Variants in CDNF observed in about 807,000 individuals in gnomAD.
The protein encoded by CDNF is ARMET-like protein 1.
Under a neutral mutation model 14.8 loss-of-function variants are expected in CDNF, and 9 were observed. That is an observed-to-expected ratio of 0.61 (90% confidence interval 0.37 to 1.06). CDNF has a LOEUF of 1.06. CDNF is among the 50% of genes least tolerant of loss of function. The pLI is 0.01. For synonymous variants in CDNF, 86 were observed against 87.2 expected, an observed-to-expected ratio of 0.99 and a Z score of 0.07; for missense variants, 228 against 228.4, an observed-to-expected ratio of 1.00 and a Z score of 0.01.
chr10:14,835,172 G>C (rs536656286), intron 1 of CDNF, among the ~76,000 whole-genome samples: 2 of 152,198 alleles, frequency 1.3e-5, no homozygotes, highest in Non-Finnish European at 2.9e-5. Context: ...ATGTTCACTA[G>C]TCAATTGGAT....
chr10:14,837,749 C>T (rs1415325690), intron 1 of CDNF, 83 bp downstream of exon 1: 3 of 745,092 alleles, frequency 4.0e-6, no homozygotes, highest in Non-Finnish European at 6.5e-6. Flanking sequence ...TATTTATAGC[C>T]AGGGCCAGGA....
chr10:14,827,881 G>T (rs1051993455), intron 2 of CDNF, among the ~76,000 whole-genome samples: 2 of 151,954 alleles, frequency 1.3e-5, no homozygotes, highest in African/African-American at 4.8e-5. Flanking sequence ...AACAGAGCAA[G>T]ACTCTGTCTC....
At chr10:14,836,201 A>C (rs1015224032) in intron 1 of CDNF, 5 of 152,220 alleles carry the variant, frequency 3.3e-5, no homozygotes, top group Non-Finnish European at 7.3e-5. Context: ...AGGGAGGATC[A>C]CTCATAAGCA....
chr10:14,835,977 A>C (rs1429691805), intron 1 of CDNF, among the ~76,000 whole-genome samples: 3 of 152,252 alleles, frequency 2.0e-5, no homozygotes, highest in Non-Finnish European at 4.4e-5. Context: ...CAGAAATATG[A>C]ATTTTTACAT....
chr10:14,836,594 AG>A (rs1564316646), intron 1 of CDNF, among the ~76,000 whole-genome samples: 1 of 152,258 alleles, frequency 6.6e-6, no homozygotes, highest in Non-Finnish European at 1.5e-5. Flanking sequence ...TCTGGAGAAA[AG>A]TTTAATTATT....
At chr10:14,829,629 T>C (rs1588797273) in intron 1 of CDNF, among the ~76,000 whole-genome samples, 1 of 151,436 alleles carries the variant, frequency 6.6e-6, no homozygotes, top group Non-Finnish European at 1.5e-5. Context: ...GTTTTTTTTG[T>C]TTGTTTGTTT....
chr10:14,828,313 C>T (rs1384929775), intron 1 of CDNF, 41 bp from the exon 2 acceptor site: 1 of 1,603,656 alleles, frequency 6.2e-7, no homozygotes, highest in Non-Finnish European at 8.5e-7. Flanking sequence ...CACAACTTAA[C>T]CACTACCACA....
rs191007702 is a variant in CDNF at position 14,823,690 on chromosome 10, G to A, written c.385+1789C>T. On this transcript the variant is annotated intron_variant, in intron 3 of 3. Coordinates refer to ENST00000465530, the MANE Select transcript of CDNF (RefSeq NM_001029954.3). Reference sequence around the variant, plus strand: ...CTATAGGCGCTCAACACCACACCTGGCTAATTTTTGTATTTTTGTAGAGAC... The same window carrying A: ...CTATAGGCGCTCAACACCACACCTGACTAATTTTTGTATTTTTGTAGAGAC... 5.5e-4 allele frequency among the ~76,000 whole-genome samples: 83 copies of A among 152,204 alleles called. 1 individual carries two copies. The East Asian group carries it at 9.7e-3, about 18-fold the overall frequency.
intron 3 of CDNF, among the ~76,000 whole-genome samples, chr10:14,820,529 C>T (rs76376255): frequency 2.0e-5 from 3 of 151,908 alleles, no homozygotes; most frequent in South Asian, 2.1e-4. Context: ...GAATTCGAGA[C>T]CAGCCTGGCC....
intron 2 of CDNF, among the ~76,000 whole-genome samples, chr10:14,826,161 A>AGCAGC (rs1833787897): frequency 6.8e-6 from 1 of 147,132 alleles, no homozygotes; most frequent in Admixed American, 6.8e-5. Context: ...GAAGAAGAAG[A>AGCAGC]AGAAGCAGAA....
At chr10:14,826,682 T>C (rs951084908) in intron 2 of CDNF, among the ~76,000 whole-genome samples, 7 of 152,244 alleles carry the variant, frequency 4.6e-5, no homozygotes, top group African/African-American at 1.7e-4. Context: ...GTGTTTTCTC[T>C]GTGCCAGGTG....
Position 14,819,858 on chromosome 10 carries a change from C to G in CDNF, c.*122G>C. 1 of 973,566 alleles carries G rather than the reference C, an allele frequency of 1.0e-6. No individual in the cohort carries two copies. Among genetic ancestry groups the G allele is most frequent in the Non-Finnish European group, 1.5e-6 (1 of 660,452 alleles). 60.3% of individuals were successfully genotyped at this position (973,566 alleles called of 1,614,324 possible). A position where few individuals can be genotyped will look rare whatever the true frequency, so the allele number is the denominator to read the frequency against. The stretch of plus-strand genomic sequence containing the variant: ...CGTAACAAAATTCTGAGGAATAATA[C>G]CAACACAAAAAGCATGAGACCAAAT... On this transcript the variant is annotated 3_prime_UTR_variant, in exon 4 of 4. Transcript: ENST00000465530.
At position 14,819,605 on chromosome 10, in the gene CDNF, T is replaced by C. The variant is rs1394205083; in HGVS notation, c.*375A>G. ...TTAGATAAGCTGACTGTTGTGTCTT[T>C]TGTTTTAGTCCAATATATTTTAAAA... On this transcript the variant is annotated 3_prime_UTR_variant, in exon 4 of 4. Coordinates refer to ENST00000465530, the MANE Select transcript of CDNF (RefSeq NM_001029954.3). 6.2e-6 allele frequency: 1 copy of C among 161,330 alleles called. No homozygotes were observed. The highest frequency in any genetic ancestry group is 1.3e-5 in the Non-Finnish European group (1 of 74,394). The allele number at this position is 161,330 out of a possible 1,614,324, so 10.0% of individuals were successfully genotyped here.
intron 3 of CDNF, among the ~76,000 whole-genome samples, chr10:14,824,707 G>A (rs898532884): frequency 6.6e-6 from 1 of 151,612 alleles, no homozygotes; most frequent in African/African-American, 2.4e-5. Flanking sequence ...CTGACTTGAT[G>A]TGAATAACCA....
rs1484598136 is a variant in CDNF, at chr10:14,819,549, T to C, written c.*431A>G. On this transcript the variant is annotated 3_prime_UTR_variant, in exon 4 of 4. Transcript: ENST00000465530. ...CAGAAAATTCACTTGAAAAAAACTT[T>C]TGATTCTGTATTTGGGATTGAAGTT... The C allele has an allele frequency of 1.3e-5, 2 of 153,444 alleles. No homozygotes were observed. Among genetic ancestry groups the C allele is most frequent in the East Asian group, 1.9e-4 (1 of 5,224 alleles). 9.5% of individuals were successfully genotyped at this position (153,444 alleles called of 1,614,324 possible).
chr10:14,821,936 T>A (rs577476973), intron 3 of CDNF, among the ~76,000 whole-genome samples: 3 of 152,246 alleles, frequency 2.0e-5, no homozygotes, highest in Non-Finnish European at 4.4e-5. Flanking sequence ...GGAAGATGTA[T>A]CTTCGGCAAA....
chr10:14,820,513 G>C (rs1833729054), intron 3 of CDNF, among the ~76,000 whole-genome samples: 2 of 151,872 alleles, frequency 1.3e-5, no homozygotes, highest in Non-Finnish European at 2.9e-5. Context: ...GATTGCCTGA[G>C]GTCAGGAATT....
chr10:14,824,587 T>C lies in CDNF; in HGVS notation c.385+892A>G, dbSNP rs948607623. Reference sequence around the variant, plus strand: ...CACCACTGCACTCCAGCCTGGGTGATAGAGCGAGACTTCCCCTCAAAAAAA... The same window carrying C: ...CACCACTGCACTCCAGCCTGGGTGACAGAGCGAGACTTCCCCTCAAAAAAA... On this transcript the variant is annotated intron_variant, in intron 3 of 3. Coordinates refer to ENST00000465530, the MANE Select transcript of CDNF (RefSeq NM_001029954.3). 5.5e-5 allele frequency among the ~76,000 whole-genome samples: 7 copies of C among 127,430 alleles called. No homozygotes were observed. The East Asian group carries it at 6.7e-4, about 12-fold the overall frequency. The allele number at this position is 127,430 out of a possible 152,430, so 83.6% of individuals were successfully genotyped here. A position where few individuals can be genotyped will look rare whatever the true frequency, so the allele number is the denominator to read the frequency against.
intron 3 of CDNF, among the ~76,000 whole-genome samples, chr10:14,824,733 A>G (rs947599220): frequency 6.6e-6 from 1 of 152,162 alleles, no homozygotes; most frequent in Non-Finnish European, 1.5e-5. Context: ...CCAAAATTTA[A>G]AGCTGGCAGA....
Sources: allele counts gnomAD v4.1 joint callset (sites outside exome capture counted in the v4.1 genomes callset), GRCh38; gene constraint gnomAD v4.1.1; transcripts MANE v1.5; gene names NCBI Gene and HGNC (gene_info 2026-07-23, HGNC 2026-07-21).